The following BZW2 variants were observed in gnomAD, a reference collection of about 807,000 sequenced individuals.
BZW2 encodes the protein basic leucine zipper and W2 domains 2, also known as eIF5-mimic protein 1.
In BZW2, 23 loss-of-function variants were observed where a neutral mutation model predicts 53.2. The ratio of observed to expected loss-of-function variants is 0.43; its 90% confidence interval spans 0.31 to 0.61. The LOEUF is 0.61. Among genes scored for constraint, BZW2 ranks in the 20% least tolerant of loss-of-function variants. The pLI, the probability that BZW2 is intolerant of heterozygous loss-of-function variation, is 0.09. For synonymous variants in BZW2, 227 were observed against 186.4 expected (o/e 1.22, Z -1.77); for missense variants, 409 against 503.1 (o/e 0.81, Z 1.79).
intron 3 of BZW2, among the ~76,000 whole-genome samples, chr7:16,676,751 C>T (rs553069539): frequency 1.6e-4 from 24 of 152,272 alleles, no homozygotes; most frequent in African/African-American, 3.8e-4. Context: ...TGATCTTCAG[C>T]GAGTTTTGGT....
intron 3 of BZW2, among the ~76,000 whole-genome samples, chr7:16,680,996 C>T (rs1782927541): frequency 6.6e-6 from 1 of 151,946 alleles, no homozygotes; most frequent in South Asian, 2.1e-4. Flanking sequence ...CCCAGCTACT[C>T]AGGAGGCTAA....
intron 1 of BZW2, among the ~76,000 whole-genome samples, chr7:16,653,472 C>T (rs948254162): frequency 4.0e-4 from 61 of 152,144 alleles, no homozygotes; most frequent in African/African-American, 1.4e-3. Flanking sequence ...ATTGCCACTC[C>T]ACTTCTTGCT....
chr7:16,685,139 A>T (rs1783073936), intron 5 of BZW2, among the ~76,000 whole-genome samples: 1 of 152,220 alleles, frequency 6.6e-6, no homozygotes, highest in African/African-American at 2.4e-5. Context: ...AGGAGAGAGA[A>T]GGGCATCCCA....
At chr7:16,665,933 T>C (rs1782410415) in intron 2 of BZW2, among the ~76,000 whole-genome samples, 1 of 152,198 alleles carries the variant, frequency 6.6e-6, no homozygotes, top group African/African-American at 2.4e-5. Context: ...TCAAAATAAA[T>C]CTACTGCCCT....
chr7:16,705,777 A>G (rs977706168), intron 11 of BZW2, among the ~76,000 whole-genome samples: 8 of 149,350 alleles, frequency 5.4e-5, no homozygotes, highest in African/African-American at 2.0e-4. Context: ...TCAAATTTTT[A>G]TATAATTTAT....
chr7:16,651,842 C>A (rs765107968), intron 1 of BZW2, among the ~76,000 whole-genome samples: 1 of 152,290 alleles, frequency 6.6e-6, no homozygotes, highest in East Asian at 1.9e-4. Flanking sequence ...TATGCTAATT[C>A]AATTTATCCA....
chr7:16,680,616 G>C (rs1271422168), intron 3 of BZW2, among the ~76,000 whole-genome samples: 1 of 151,918 alleles, frequency 6.6e-6, no homozygotes, highest in Non-Finnish European at 1.5e-5. Flanking sequence ...ACCAGCCTGG[G>C]CAACATGGGA....
chr7:16,705,916 T>A, intron 11 of BZW2, 144 bp from the exon 12 acceptor site: 1 of 880,918 alleles, frequency 1.1e-6, no homozygotes, highest in Non-Finnish European at 1.8e-6. Context: ...TCTGCCCTCA[T>A]GTGACTATTT....
chr7:16,648,912 C>G (rs1781926665), intron 1 of BZW2, among the ~76,000 whole-genome samples: 1 of 152,188 alleles, frequency 6.6e-6, no homozygotes. Context: ...CTCTCCCTCT[C>G]TATCCAGTAA....
At chr7:16,656,567 A>G (rs199555103) in intron 1 of BZW2, among the ~76,000 whole-genome samples, 5 of 137,704 alleles carry the variant, frequency 3.6e-5, no homozygotes, top group African/African-American at 8.9e-5. Context: ...ACACACACAC[A>G]CACACACACA....
In BZW2 at chr7:16,685,902, C is replaced by T; in HGVS notation, c.406-3C>T. The T allele has an allele frequency of 7.8e-7, 1 of 1,288,940 alleles. No homozygotes were observed. The highest frequency in any genetic ancestry group is 1.0e-6 in the Non-Finnish European group (1 of 970,004). The allele number at this position is 1,288,940 out of a possible 1,614,324, so 79.8% of individuals were successfully genotyped here. ...TTTTTTTTTTTTTTTTTTTGACCCA[C>T]AGCTTCTCCTCTTCCTTAAAGCCTT... On this transcript the variant is annotated splice_polypyrimidine_tract_variant and splice_region_variant and intron_variant, in intron 5 of 11. Coordinates refer to ENST00000258761, the MANE Select transcript of BZW2 (RefSeq NM_014038.3).
At position 16,694,857 on chromosome 7, in the gene BZW2, G is replaced by C. The variant is rs751535805; in HGVS notation, c.675G>C (p.Gln225His). ...AGGAACTCTTTCCAGTTAACAGACA[G>C]AGTGTGGATCATTTTGCTAAATACT... Reference protein sequence around the residue: ...RLLELFPVNRQSVDHFAKYFT... With the variant: ...RLLELFPVNRHSVDHFAKYFT... The change falls in exon 8 of 12, where the codon CAG (glutamine) becomes CAC (histidine). Residue 225 changes from glutamine (Q) to histidine (H), a missense_variant. Transcript: ENST00000258761. 6.5e-7 allele frequency: 1 copy of C among 1,537,358 alleles called. No individual in the cohort carries two copies. Among genetic ancestry groups the C allele is most frequent in the Non-Finnish European group, 8.9e-7 (1 of 1,123,890 alleles).
intron 1 of BZW2, among the ~76,000 whole-genome samples, chr7:16,653,954 A>G (rs1782050894): frequency 2.0e-5 from 3 of 151,908 alleles, no homozygotes; most frequent in Admixed American, 6.6e-5. Context: ...AGTTAAAATA[A>G]TATAGAGACT....
chr7:16,673,122 A>G (rs1415544262), intron 2 of BZW2, among the ~76,000 whole-genome samples: 1 of 151,726 alleles, frequency 6.6e-6, no homozygotes, highest in Non-Finnish European at 1.5e-5. Context: ...AATTTTTTGT[A>G]TTTTTAGTAG....
chr7:16,658,216 G>C (rs938286923), intron 1 of BZW2, among the ~76,000 whole-genome samples: 1 of 152,106 alleles, frequency 6.6e-6, no homozygotes, highest in African/African-American at 2.4e-5. Flanking sequence ...AGTAACTAGA[G>C]ACCAGGAAGT....
intron 1 of BZW2, among the ~76,000 whole-genome samples, chr7:16,658,732 G>A (rs1391924989): frequency 2.0e-5 from 3 of 151,912 alleles, no homozygotes; most frequent in East Asian, 1.9e-4. Flanking sequence ...AAAATTAGCC[G>A]GGCATGGTGG....
At chr7:16,685,859 TTTTTC>T in intron 5 of BZW2, 41 bp from the exon 6 acceptor site, 5 of 1,476,080 alleles carry the variant, frequency 3.4e-6, no homozygotes, top group Non-Finnish European at 4.5e-6. Flanking sequence ...GGTTCCTTTT[TTTTTC>T]TTTTTCTTTT....
intron 1 of BZW2, among the ~76,000 whole-genome samples, chr7:16,655,912 G>T (rs999823408): frequency 1.3e-5 from 2 of 151,978 alleles, no homozygotes; most frequent in African/African-American, 2.4e-5. Context: ...AGAGTAGGTT[G>T]CATACACTTT....
chr7:16,664,033 A>G (rs944535918), intron 1 of BZW2, among the ~76,000 whole-genome samples: 6 of 152,354 alleles, frequency 3.9e-5, no homozygotes, highest in African/African-American at 7.2e-5. Context: ...ATAGAAAACC[A>G]TATATTCTAT....
Sources: gnomAD v4.1 joint callset for allele counts (sites outside exome capture counted in the v4.1 genomes callset) on GRCh38, gnomAD v4.1.1 for gene constraint, MANE v1.5 for transcripts, NCBI Gene and HGNC (gene_info 2026-07-23, HGNC 2026-07-21) for gene names.